The following CCDC178 variants were observed in gnomAD, a reference collection of about 807,000 sequenced individuals.
The protein encoded by CCDC178 is coiled-coil domain-containing protein 178.
A neutral mutation model predicts 117.4 loss-of-function variants in CCDC178; 126 were observed. The ratio of observed to expected loss-of-function variants is 1.07; its 90% CI spans 0.93 to 1.24. The LOEUF is 1.24. Among genes scored for constraint, CCDC178 ranks in the 50% most tolerant of loss-of-function variants. The pLI, the probability that CCDC178 is intolerant of heterozygous loss-of-function variation, is 0.00. For synonymous variants in CCDC178, 283 were observed against 313.4 expected, an observed-to-expected ratio of 0.90 and a Z score of 1.02; for missense variants, 1,030 against 986.9, an observed-to-expected ratio of 1.04 and a Z score of -0.59.
chr18:33,025,688 C>T (rs1258178264), intron 21 of CCDC178, among the ~76,000 whole-genome samples: 2 of 152,064 alleles, frequency 1.3e-5, no homozygotes, highest in Admixed American at 1.3e-4. Flanking sequence ...AAAACCCCTA[C>T]ATATCTAACA....
chr18:33,091,107 C>G (rs927072619), intron 21 of CCDC178, among the ~76,000 whole-genome samples: 1 of 151,952 alleles, frequency 6.6e-6, no homozygotes, highest in Admixed American at 6.6e-5. Context: ...AAAGGAAATA[C>G]AGTATAGTCA....
At chr18:33,218,511 C>G (rs756693894) in intron 18 of CCDC178, among the ~76,000 whole-genome samples, 4 of 152,102 alleles carry the variant, frequency 2.6e-5, no homozygotes, top group Non-Finnish European at 5.9e-5. Flanking sequence ...GTGTTTTAGT[C>G]ATGAAGTACT....
intron 2 of CCDC178, among the ~76,000 whole-genome samples, chr18:33,422,281 A>G (rs1049207133): frequency 2.0e-5 from 3 of 152,162 alleles, no homozygotes; most frequent in Non-Finnish European, 4.4e-5. Flanking sequence ...CCCCAATATT[A>G]TGATCTAAGG....
intron 11 of CCDC178, among the ~76,000 whole-genome samples, chr18:33,314,024 T>C (rs4799687): frequency 1 from 149,128 of 149,326 alleles, 74,465 homozygotes; most frequent in East Asian, 1. Context: ...AACGGTGAAA[T>C]CCCGTCTCTA....
chr18:33,373,992 T>C (rs2063333013), intron 5 of CCDC178, among the ~76,000 whole-genome samples: 2 of 152,302 alleles, frequency 1.3e-5, no homozygotes, highest in Middle Eastern at 3.4e-3. Flanking sequence ...GTTCAAGGTT[T>C]TCATTTCTGA....
chr18:33,112,803 C>G (rs551993993), intron 20 of CCDC178, among the ~76,000 whole-genome samples: 1 of 151,820 alleles, frequency 6.6e-6, no homozygotes, highest in Non-Finnish European at 1.5e-5. Flanking sequence ...CCCTACCACA[C>G]GTATTTATGT....
At chr18:33,217,221 T>C (rs945321694) in intron 18 of CCDC178, among the ~76,000 whole-genome samples, 11 of 152,224 alleles carry the variant, frequency 7.2e-5, no homozygotes, top group African/African-American at 2.6e-4. Context: ...TCTTATGCTC[T>C]GTAAGTGGTA....
intron 21 of CCDC178, among the ~76,000 whole-genome samples, chr18:33,046,032 C>T (rs2056636377): frequency 6.6e-6 from 1 of 152,214 alleles, no homozygotes; most frequent in Non-Finnish European, 1.5e-5. Context: ...CGTGCCATTG[C>T]ACTCTAGCCT....
intron 20 of CCDC178, among the ~76,000 whole-genome samples, chr18:33,179,078 A>AAAAAATATATATATATAT (rs71159804): frequency 1.8e-5 from 1 of 55,852 alleles, no homozygotes; most frequent in African/African-American, 1.1e-4. Flanking sequence ...AAAAAAAAAA[A>AAAAAATATATATATATAT]ATATATATAT....
intron 5 of CCDC178, among the ~76,000 whole-genome samples, chr18:33,386,281 A>G (rs937885923): frequency 2.0e-5 from 3 of 152,220 alleles, no homozygotes; most frequent in Non-Finnish European, 4.4e-5. Context: ...AGAGGTAAAA[A>G]GAGGAGCTGG....
intron 11 of CCDC178, among the ~76,000 whole-genome samples, chr18:33,308,251 C>T (rs1050303529): frequency 5.9e-5 from 9 of 152,236 alleles, no homozygotes; most frequent in African/African-American, 9.6e-5. Context: ...CAACAGCATG[C>T]CCTGCACATG....
rs116111954 is a variant in CCDC178, at chr18:33,231,423, A to G, written c.1594-4568T>C. 8.8e-3 allele frequency among the ~76,000 whole-genome samples: 1,337 copies of G among 152,356 alleles called. 25 individuals carry two copies. The highest frequency in any genetic ancestry group is 0.03 in the African/African-American group (1,247 of 41,580). ...AGATAAATACAATGCATGGGGCTCA[A>G]TGACATATACCAACCAATTGAAATA... On this transcript the variant is annotated intron_variant, in intron 15 of 22. Coordinates refer to ENST00000383096, the MANE Select transcript of CCDC178 (RefSeq NM_001105528.4).
chr18:33,310,944 C>T (rs114118726), intron 11 of CCDC178, among the ~76,000 whole-genome samples: 1 of 152,220 alleles, frequency 6.6e-6, no homozygotes, highest in African/African-American at 2.4e-5. Context: ...CAGTCTTCCT[C>T]TATGATGTCC....
intron 14 of CCDC178, among the ~76,000 whole-genome samples, chr18:33,247,178 GGACACCAAAACATATTAAGAA>G (rs1407275874): frequency 6.6e-6 from 1 of 151,402 alleles, no homozygotes; most frequent in Non-Finnish European, 1.5e-5. Context: ...GCCTCAAAAA[GGACACCAAAACATATTAAGAA>G]ATATCTTGTT....
intron 21 of CCDC178, among the ~76,000 whole-genome samples, chr18:33,087,456 A>G (rs2145055128): frequency 6.6e-6 from 1 of 152,264 alleles, no homozygotes; most frequent in Non-Finnish European, 1.5e-5. Context: ...ATGGGACAGT[A>G]TAAATTTAAT....
Position 33,167,714 on chromosome 18 carries a change from A to G in CCDC178, c.2238+44182T>C, listed in dbSNP as rs990935884. ...CCCTGTCTCTACTAAAAATACAAAA[A>G]AAAATACCCGGGCGTGGTGGCATGC... On this transcript the variant is annotated intron_variant, in intron 20 of 22. Transcript: ENST00000383096. Among the ~76,000 whole-genome samples the G allele has an allele frequency of 2.6e-5, 4 of 152,082 alleles. No homozygotes were observed. The East Asian group carries it at 7.8e-4, about 29-fold the overall frequency.
Position 33,040,090 on chromosome 18 carries a change from C to T in CCDC178, c.2388+52671G>A, listed in dbSNP as rs576776043. 5.9e-5 allele frequency among the ~76,000 whole-genome samples: 9 copies of T among 151,804 alleles called. No individual in the cohort carries two copies. The East Asian group carries it at 1.7e-3, about 29-fold the overall frequency. On this transcript the variant is annotated intron_variant, in intron 21 of 22. Coordinates refer to ENST00000383096, the MANE Select transcript of CCDC178 (RefSeq NM_001105528.4). Reference sequence around the variant, plus strand: ...AATCAGAGAAAAATTGGAAACGTTTCCATTTGACTACAATTTGATGAGTTA... The same window carrying T: ...AATCAGAGAAAAATTGGAAACGTTTTCATTTGACTACAATTTGATGAGTTA...
chr18:33,242,658 A>C (rs78825124), intron 15 of CCDC178, among the ~76,000 whole-genome samples: 1 of 151,882 alleles, frequency 6.6e-6, no homozygotes, highest in Admixed American at 6.6e-5. Flanking sequence ...CAAGAAAAAA[A>C]GTTCAACATT....
At chr18:33,356,216 C>T (rs2063054640) in intron 7 of CCDC178, 108 bp downstream of exon 7, 49 of 1,140,260 alleles carry the variant, frequency 4.3e-5, no homozygotes, top group Non-Finnish European at 5.8e-5. Flanking sequence ...TGTGAAAAAT[C>T]TTGCATTCGA....
Sources: allele counts gnomAD v4.1 joint callset (sites outside exome capture counted in the v4.1 genomes callset), GRCh38; gene constraint gnomAD v4.1.1; transcripts MANE v1.5; gene names NCBI Gene and HGNC (gene_info 2026-07-23, HGNC 2026-07-21).